Variants in LAMA3 observed in about 807,000 individuals in gnomAD.
LAMA3 encodes laminin subunit alpha 3.
LAMA3 carries 281 observed loss-of-function variants against 402.0 expected under a neutral mutation model. That is an observed-to-expected ratio of 0.70 (90% CI 0.63 to 0.77). The LOEUF (loss-of-function observed/expected upper bound fraction) is 0.77, where lower values mean the gene tolerates loss of function less well. LAMA3 is among the 30% of genes least tolerant of loss of function. The pLI, the probability that LAMA3 is intolerant of heterozygous loss-of-function variation, is 0.00. For synonymous variants in LAMA3, 1,431 were observed against 1,558.4 expected (o/e 0.92, Z 1.93); for missense variants, 3,840 against 4,215.5 (o/e 0.91, Z 2.47).
At chr18:23,765,751 A>G (rs2062063208) in intron 8 of LAMA3, among the ~76,000 whole-genome samples, 1 of 152,194 alleles carries the variant, frequency 6.6e-6, no homozygotes, top group African/African-American at 2.4e-5. Context: ...AAATATCAGT[A>G]GGGAAATAAA....
chr18:23,861,586 T>C, intron 34 of LAMA3, 60 bp from the exon 35 acceptor site: 1 of 1,593,484 alleles, frequency 6.3e-7, no homozygotes, highest in Non-Finnish European at 8.6e-7. Flanking sequence ...CATGCACCCA[T>C]CACCCCAGGG....
At chr18:23,703,657 A>G (rs1327199330) in intron 1 of LAMA3, among the ~76,000 whole-genome samples, 4 of 151,878 alleles carry the variant, frequency 2.6e-5, no homozygotes, top group Non-Finnish European at 5.9e-5. Flanking sequence ...TTAAAAAAAA[A>G]GGTGTGTGTG....
At chr18:23,914,933 T>A in intron 58 of LAMA3, 73 bp downstream of exon 58, 1 of 1,182,362 alleles carries the variant, frequency 8.5e-7, no homozygotes, top group Non-Finnish European at 1.2e-6. Flanking sequence ...CTCATGTCTC[T>A]AATTGTTAAT....
At chr18:23,700,528 A>G (rs1425159640) in intron 1 of LAMA3, among the ~76,000 whole-genome samples, 2 of 152,198 alleles carry the variant, frequency 1.3e-5, no homozygotes, top group Non-Finnish European at 2.9e-5. Context: ...CTGGCTTTAA[A>G]TGTATTCCTT....
chr18:23,800,512 G>A (rs111864624), intron 12 of LAMA3, among the ~76,000 whole-genome samples: 219 of 152,178 alleles, frequency 1.4e-3, no homozygotes, highest in African/African-American at 4.6e-3. Flanking sequence ...CTATCACCTC[G>A]AACATTCATT....
chr18:23,909,100 T>C, intron 54 of LAMA3, 53 bp from the exon 55 acceptor site: 1 of 1,540,102 alleles, frequency 6.5e-7, no homozygotes, highest in Non-Finnish European at 9.0e-7. Flanking sequence ...CATTTGTAGT[T>C]AGCCTTTTCT....
chr18:23,769,833 TA>T (rs1163060764), intron 8 of LAMA3, among the ~76,000 whole-genome samples: 1 of 152,158 alleles, frequency 6.6e-6, no homozygotes. Context: ...TAAGAATGAA[TA>T]AAAAAGCAAG....
intron 66 of LAMA3, among the ~76,000 whole-genome samples, chr18:23,933,152 A>G (rs2082215566): frequency 6.6e-6 from 1 of 152,114 alleles, no homozygotes; most frequent in South Asian, 2.1e-4. Flanking sequence ...CCTTATATTT[A>G]CCATCATTCA....
rs1443968872 is a variant in LAMA3, at chr18:23,928,173, A to G, written c.8228A>G (p.Lys2743Arg). ...AFRGCMKNLK[K>R]TSGVVRLNDT... ...CGAGGCTGCATGAAAAATTTGAAGA[A>G]AACCAGTGGTGTCGTTAGATTGAAT... Residue 2743 changes from lysine (K) to arginine (R), a missense_variant, in exon 63 of 75, where the codon AAA becomes AGA. By Grantham distance (26) the Lys-to-Arg change is conservative. Coordinates refer to ENST00000313654, the MANE Select transcript of LAMA3 (RefSeq NM_198129.4). The G allele has an allele frequency of 1.2e-6, 2 of 1,614,148 alleles. No homozygotes were observed. The highest frequency in any genetic ancestry group is 8.5e-7 in the Non-Finnish European group (1 of 1,179,972).
chr18:23,735,894 G>T (rs2061466629), intron 2 of LAMA3, among the ~76,000 whole-genome samples: 2 of 151,956 alleles, frequency 1.3e-5, no homozygotes, highest in Admixed American at 1.3e-4. Context: ...CCGGCCACAG[G>T]GTGTATCAGC....
intron 29 of LAMA3, 27 bp downstream of exon 29, chr18:23,842,777 C>A (rs2063733235): frequency 1.2e-6 from 2 of 1,613,880 alleles, no homozygotes; most frequent in Non-Finnish European, 1.7e-6. Context: ...CCTCAACTTG[C>A]TCCTCACATG....
Position 23,903,057 on chromosome 18 carries a change from C to G in LAMA3, c.6250C>G (p.Leu2084Val). ...NSLQSDFTKY[L>V]TTADSSLLQT... The stretch of plus-strand genomic sequence containing the variant: ...CCTGCAGAGTGATTTCACCAAGTAT[C>G]TAACCACTGCAGACTCATCTTTGTT... Residue 2084 changes from leucine to valine, a missense_variant, in exon 49 of 75, where the codon CTA (leucine) becomes GTA (valine). Physicochemically the swap from Leu to Val is conservative, Grantham distance 32. This residue lies in a region of LAMA3 where 891 missense variants were observed against 857.5 expected (regional missense o/e 1.04). Transcript: ENST00000313654. The G allele has an allele frequency of 1.2e-6, 2 of 1,613,110 alleles. No individual in the cohort carries two copies. The highest frequency in any genetic ancestry group is 1.7e-6 in the Non-Finnish European group (2 of 1,179,214).
chr18:23,750,782 C>A, intron 4 of LAMA3, 136 bp from the exon 5 acceptor site: 1 of 863,414 alleles, frequency 1.2e-6, no homozygotes, highest in South Asian at 1.4e-5. Flanking sequence ...ATAAACAAGA[C>A]CCAAGACCCC....
chr18:23,857,108 C>T (rs910268848), intron 32 of LAMA3, among the ~76,000 whole-genome samples: 3 of 152,194 alleles, frequency 2.0e-5, no homozygotes, highest in African/African-American at 7.2e-5. Context: ...CAGCAGCTAC[C>T]GTGTTCTGTC....
chr18:23,954,395 C>A (rs546762571), intron 74 of LAMA3, 108 bp from the exon 75 acceptor site: 2 of 870,246 alleles, frequency 2.3e-6, no homozygotes, highest in Non-Finnish European at 3.6e-6. Flanking sequence ...AGAGCAGGAC[C>A]CTGTCTAAAA....
At chr18:23,790,568 T>C (rs2062630313) in intron 12 of LAMA3, among the ~76,000 whole-genome samples, 1 of 152,210 alleles carries the variant, frequency 6.6e-6, no homozygotes, top group African/African-American at 2.4e-5. Context: ...CTTTTCTGAG[T>C]AGTTTGTCAC....
At chr18:23,882,600 A>T (rs1289893153) in intron 40 of LAMA3, among the ~76,000 whole-genome samples, 2 of 146,408 alleles carry the variant, frequency 1.4e-5, no homozygotes, top group Non-Finnish European at 3.0e-5. Context: ...AGAGAGCGAG[A>T]CTCCATCTTA....
At chr18:23,917,418 T>C (rs1243669974) in intron 60 of LAMA3, among the ~76,000 whole-genome samples, 1 of 152,224 alleles carries the variant, frequency 6.6e-6, no homozygotes, top group Non-Finnish European at 1.5e-5. Flanking sequence ...ATGGTAGTTT[T>C]AAGTTATTTG....
chr18:23,850,253 C>G (rs1376365688), intron 32 of LAMA3, among the ~76,000 whole-genome samples: 1 of 152,196 alleles, frequency 6.6e-6, no homozygotes, highest in East Asian at 1.9e-4. Context: ...TATAAGCATT[C>G]AACTTTATCA....
Sources: gnomAD v4.1 joint callset for allele counts (sites outside exome capture counted in the v4.1 genomes callset) on GRCh38, gnomAD v4.1.1 for gene constraint, gnomAD v4.1.1 regional missense constraint, MANE v1.5 for transcripts, NCBI Gene and HGNC (gene_info 2026-07-23, HGNC 2026-07-21) for gene names.